POLR2D: variants seen among roughly 807,000 people sequenced by gnomAD.
POLR2D encodes DNA-directed RNA polymerase II subunit RPB4.
In POLR2D, 10 loss-of-function variants were observed where a neutral mutation model predicts 17.6. The observed-to-expected ratio is 0.57, with a 90% CI of 0.35 to 0.96. The LOEUF (loss-of-function observed/expected upper bound fraction) is 0.96. Ranked by LOEUF, POLR2D falls within the 40% of genes least tolerant of loss-of-function variation. The pLI is 0.02. For missense variants in POLR2D, 126 were observed against 176.4 expected, an observed-to-expected ratio of 0.71 and a Z score of 1.62; for synonymous variants, 52 against 60.2, an observed-to-expected ratio of 0.86 and a Z score of 0.63.
At chr2:127,856,676 C>A (rs925133471) in intron 1 of POLR2D, among the ~76,000 whole-genome samples, 2 of 151,762 alleles carry the variant, frequency 1.3e-5, no homozygotes, top group African/African-American at 4.8e-5. Flanking sequence ...ACAAAAAACA[C>A]ATAATAAACA....
chr2:127,855,649 G>C (rs1165698118), intron 1 of POLR2D, among the ~76,000 whole-genome samples: 1 of 152,196 alleles, frequency 6.6e-6, no homozygotes, highest in Non-Finnish European at 1.5e-5. Flanking sequence ...AGAGCTTTTG[G>C]GAGGCATTCC....
rs554350595 is a variant in POLR2D at position 127,844,129 on chromosome 2, C to T, written c.*3978G>A. 1.1e-3 allele frequency: 79 copies of T among 72,988 alleles called. No individual in the cohort carries two copies. Among genetic ancestry groups the T allele is most frequent in the African/African-American group, 4.5e-3 (74 of 16,420 alleles). 4.5% of individuals were successfully genotyped at this position (72,988 alleles called of 1,614,324 possible). The stretch of plus-strand genomic sequence containing the variant: ...ATCCAAAAAAAAAAAAAAAAAAAGC[C>T]TGGTCCTTCCATCCCTTCTACCATA... On this transcript the variant is annotated 3_prime_UTR_variant, in exon 4 of 4. Transcript: ENST00000272645.
chr2:127,857,790 T>A, intron 1 of POLR2D: 1 of 1,301,226 alleles, frequency 7.7e-7, no homozygotes, highest in South Asian at 2.2e-5. Context: ...GCTTTGTTTA[T>A]CTTTGACACA....
At chr2:127,856,291 A>AAAAAAAAAAAAAAAAAAAAAAAAAAG in intron 1 of POLR2D, among the ~76,000 whole-genome samples, 1 of 55,712 alleles carries the variant, frequency 1.8e-5, no homozygotes, top group Non-Finnish European at 3.4e-5. Context: ...ATCCCGTCTC[A>AAAAAAAAAAAAAAAAAAAAAAAAAAG]AAAAAAAAAA....
chr2:127,850,216 G>A (rs1273862803), intron 3 of POLR2D, among the ~76,000 whole-genome samples: 4 of 152,080 alleles, frequency 2.6e-5, no homozygotes, highest in Non-Finnish European at 5.9e-5. Context: ...CGAGGCGGGT[G>A]GATCAACTGA....
intron 2 of POLR2D, among the ~76,000 whole-genome samples, chr2:127,851,276 G>C (rs1055893295): frequency 6.6e-6 from 1 of 151,942 alleles, no homozygotes. Flanking sequence ...AAAATTAGCC[G>C]GGTGTGGTGG....
At position 127,858,034 on chromosome 2, in the gene POLR2D, G is replaced by A. The variant is rs776700112; in HGVS notation, c.67C>T (p.Pro23Ser). ...TGGCAGCCCCGAGCCCAACCTTTAG[G>A]AAAGATGAGCTGTGAGGCGTCCTCC... Reference protein sequence around the residue: ...VEEDASQLIFPKEFETAETLL... With the variant: ...VEEDASQLIFSKEFETAETLL... The change falls in exon 1 of 4, where the codon CCT becomes TCT. Residue 23 changes from proline (P) to serine (S), a missense_variant. Around this residue, in one of 2 missense-constraint regions of POLR2D, gnomAD observed 85 missense variants for 151.4 expected, o/e 0.56. Coordinates refer to ENST00000272645, the MANE Select transcript of POLR2D (RefSeq NM_004805.4). 1.9e-6 allele frequency: 3 copies of A among 1,579,672 alleles called. No homozygotes were observed. The South Asian group carries it at 3.4e-5, about 18-fold the overall frequency.
chr2:127,848,155 C>T lies in POLR2D; in HGVS notation c.381G>A (p.Leu127=). 2 of 1,612,508 alleles carry T rather than the reference C, an allele frequency of 1.2e-6. No homozygotes were observed. Among genetic ancestry groups the T allele is most frequent in the Non-Finnish European group, 1.7e-6 (2 of 1,178,836 alleles). ...SLEGRFEDEE[L]QQILDDIQTK... Reference sequence around the variant, plus strand: ...TCTGGATATCATCAAGAATCTGCTGCAGCTCCTCATCTTCAAACCGTCCCT... The same window carrying T: ...TCTGGATATCATCAAGAATCTGCTGTAGCTCCTCATCTTCAAACCGTCCCT... Residue 127 remains leucine, a synonymous_variant, in exon 4 of 4, where the codon CTG becomes CTA. Transcript: ENST00000272645.
chr2:127,847,786 A>C lies in POLR2D; in HGVS notation c.*321T>G, dbSNP rs1690180622. 6.4e-6 allele frequency: 2 copies of C among 314,404 alleles called. No individual in the cohort carries two copies. The allele number at this position is 314,404 out of a possible 1,614,324, so 19.5% of individuals were successfully genotyped here. A position where few individuals can be genotyped will look rare whatever the true frequency, so the allele number is the denominator to read the frequency against. On this transcript the variant is annotated 3_prime_UTR_variant, in exon 4 of 4. Transcript: ENST00000272645. ...TGAAATTAAAACATGAAATATTAAG[A>C]AAAAAGATGATGTGGAGGCCAAAAA...
chr2:127,853,049 G>A lies in POLR2D; in HGVS notation c.130C>T (p.Arg44Ter), dbSNP rs1287501421. ...TCTGCACTCTCATTCTGCTGCTTTC[G>A]ATGTTCCAGAAGCATATGAACTTCT... ...NSEVHMLLEH[R>*]KQQNESAEDE... is the part of the protein sequence containing the mutation. The change falls in exon 2 of 4, where the codon CGA (arginine) becomes TGA (stop). Residue 44 changes from arginine (R) to a stop codon, truncating the protein, a stop_gained. Coordinates refer to ENST00000272645, the MANE Select transcript of POLR2D (RefSeq NM_004805.4). LOFTEE classifies it high-confidence loss of function. The A allele has an allele frequency of 3.1e-6, 5 of 1,613,624 alleles. No individual in the cohort carries two copies. The highest frequency in any genetic ancestry group is 4.2e-6 in the Non-Finnish European group (5 of 1,179,572).
At chr2:127,854,293 C>G (rs1690295621) in intron 1 of POLR2D, among the ~76,000 whole-genome samples, 1 of 152,156 alleles carries the variant, frequency 6.6e-6, no homozygotes, top group African/African-American at 2.4e-5. Flanking sequence ...TACGTTCCTG[C>G]AGGATCTTAT....
chr2:127,857,490 C>CT (rs1241144337), intron 1 of POLR2D, among the ~76,000 whole-genome samples: 2 of 152,328 alleles, frequency 1.3e-5, no homozygotes, highest in East Asian at 1.9e-4. Context: ...AGATAGGACT[C>CT]TGTCTCTCTG....
rs1006436855 is a variant in POLR2D at position 127,844,235 on chromosome 2, C to T, written c.*3872G>A. 5 of 151,892 alleles carry T rather than the reference C, an allele frequency of 3.3e-5. No homozygotes were observed. Among genetic ancestry groups the T allele is most frequent in the African/African-American group, 4.8e-5 (2 of 41,290 alleles). 9.4% of individuals were successfully genotyped at this position (151,892 alleles called of 1,614,324 possible). A position where few individuals can be genotyped will look rare whatever the true frequency, so the allele number is the denominator to read the frequency against. On this transcript the variant is annotated 3_prime_UTR_variant, in exon 4 of 4. Transcript: ENST00000272645. The stretch of plus-strand genomic sequence containing the variant: ...AAAGCCGCCCTTGCCAGACACTGAA[C>T]GTACCAGCACCTGGATCTTGCATTT...
chr2:127,847,965 C>T lies in POLR2D; in HGVS notation c.*142G>A. On this transcript the variant is annotated 3_prime_UTR_variant, in exon 4 of 4. Transcript: ENST00000272645. ...GAGTTATTTGAAACAGCAACCTAACCCCACGCCAAGCTGGGCTGTTTTCTC... is the reference window on the plus strand; with the variant it reads ...GAGTTATTTGAAACAGCAACCTAACTCCACGCCAAGCTGGGCTGTTTTCTC... 1 of 703,616 alleles carries T rather than the reference C, an allele frequency of 1.4e-6. No individual in the cohort carries two copies. The highest frequency in any genetic ancestry group is 2.6e-6 in the Non-Finnish European group (1 of 383,998). 43.6% of individuals were successfully genotyped at this position (703,616 alleles called of 1,614,324 possible).
At chr2:127,851,504 G>C (rs1690252997) in intron 2 of POLR2D, among the ~76,000 whole-genome samples, 1 of 152,212 alleles carries the variant, frequency 6.6e-6, no homozygotes, top group Non-Finnish European at 1.5e-5. Context: ...GGGAGGCCAA[G>C]GCAGGAGGAT....
rs1436319911 is a variant in POLR2D, at chr2:127,846,291, C to T, written c.*1816G>A. On this transcript the variant is annotated 3_prime_UTR_variant, in exon 4 of 4. Transcript: ENST00000272645. ...TAAAAATAAGAATTTTTTATTCTTGCCTTATTTCGTAGCAAACATAAAACC... is the reference window on the plus strand; with the variant it reads ...TAAAAATAAGAATTTTTTATTCTTGTCTTATTTCGTAGCAAACATAAAACC... 6.6e-6 allele frequency: 1 copy of T among 152,026 alleles called. No homozygotes were observed. The highest frequency in any genetic ancestry group is 1.5e-5 in the Non-Finnish European group (1 of 68,016). 9.4% of individuals were successfully genotyped at this position (152,026 alleles called of 1,614,324 possible).
chr2:127,855,715 T>C (rs1573521580), intron 1 of POLR2D, among the ~76,000 whole-genome samples: 1 of 152,172 alleles, frequency 6.6e-6, no homozygotes, highest in East Asian at 1.9e-4. Context: ...CACTTTTGTG[T>C]AACTATGGAG....
rs1460407401 is a variant in POLR2D at position 127,852,136 on chromosome 2, G to A, written c.254+789C>T. 2.0e-5 allele frequency among the ~76,000 whole-genome samples: 3 copies of A among 152,212 alleles called. No individual in the cohort carries two copies. Among genetic ancestry groups the A allele is most frequent in the African/African-American group, 7.2e-5 (3 of 41,518 alleles). ...AAGGTTGGAGGATCAATTGAGGCCA[G>A]GAGTTTGAGACCAGCCTGGACAACA... On this transcript the variant is annotated intron_variant, in intron 2 of 3. Coordinates refer to ENST00000272645, the MANE Select transcript of POLR2D (RefSeq NM_004805.4). This position sits in a 1 kb window ranked among gnomAD's most constrained non-coding sequence, Gnocchi z 4.0.
At position 127,850,639 on chromosome 2, in the gene POLR2D, C is replaced by A; in HGVS notation, c.301G>T (p.Ala101Ser). The A allele has an allele frequency of 6.3e-7, 1 of 1,592,278 alleles. No individual in the cohort carries two copies. The highest frequency in any genetic ancestry group is 1.8e-5 in the Admixed American group (1 of 56,572). ...TCAGCAGTCTCTGGGCAAAGGTTGG[C>A]CAAACAGGCCAACTCAAACTTATGA... is the stretch of plus-strand genomic sequence containing the variant. ...KLHKFELACL[A>S]NLCPETAEES... Residue 101 changes from alanine to serine, a missense_variant, in exon 3 of 4, where the codon GCC (alanine) becomes TCC (serine). Physicochemically the swap from Ala to Ser is moderately conservative, Grantham distance 99. This residue lies in a region of POLR2D where 85 missense variants were observed against 151.4 expected (regional missense o/e 0.56). Coordinates refer to ENST00000272645, the MANE Select transcript of POLR2D (RefSeq NM_004805.4).
Sources: gnomAD v4.1 joint callset for allele counts (sites outside exome capture counted in the v4.1 genomes callset) on GRCh38, gnomAD v4.1.1 for gene constraint, gnomAD v4.1.1 regional missense constraint, Gnocchi (gnomAD v3.1) non-coding constraint, MANE v1.5 for transcripts, NCBI Gene and HGNC (gene_info 2026-07-23, HGNC 2026-07-21) for gene names.